Variants in EDARADD observed in about 807,000 individuals in gnomAD.
EDARADD encodes the protein EDAR associated via death domain.
Under a neutral mutation model 25.6 loss-of-function variants are expected in EDARADD, and 20 were observed. The ratio of observed to expected loss-of-function variants is 0.78; its 90% CI spans 0.55 to 1.14. The LOEUF (loss-of-function observed/expected upper bound fraction) is 1.14. EDARADD is among the 50% of genes most tolerant of loss of function. The probability of loss-of-function intolerance (pLI) is 0.00; values close to 1 mark genes in which losing one functional copy is unlikely to be tolerated. For synonymous variants in EDARADD, 86 were observed against 94.4 expected (o/e 0.91, Z 0.52); for missense variants, 225 against 270.1 (o/e 0.83, Z 1.17).
chr1:236,470,935 G>T (rs1226991349), intron 5 of EDARADD, among the ~76,000 whole-genome samples: 1 of 152,098 alleles, frequency 6.6e-6, no homozygotes, highest in Non-Finnish European at 1.5e-5. Flanking sequence ...TAAGGACGGG[G>T]GTTCCCCATG....
chr1:236,363,295 G>T (rs1667076981), intron 3 of EDARADD, among the ~76,000 whole-genome samples: 1 of 151,882 alleles, frequency 6.6e-6, no homozygotes, highest in African/African-American at 2.4e-5. Flanking sequence ...ATGTCAAGTA[G>T]TAATCCCAAT....
At chr1:236,393,877 T>C (rs1667465963), upstream of EDARADD, among the ~76,000 whole-genome samples, 1 of 152,024 alleles carries the variant, frequency 6.6e-6, no homozygotes, top group Admixed American at 6.6e-5. Flanking sequence ...TCATACTTTA[T>C]AGTTCGCAAA....
intron 1 of EDARADD, among the ~76,000 whole-genome samples, chr1:236,402,714 G>C (rs1485123773): frequency 6.6e-6 from 1 of 151,876 alleles, no homozygotes; most frequent in Admixed American, 6.6e-5. Flanking sequence ...ACCTGGCCAT[G>C]AGGCACTTCT....
chr1:236,415,593 C>G (rs1657614817), intron 3 of EDARADD, among the ~76,000 whole-genome samples: 1 of 152,130 alleles, frequency 6.6e-6, no homozygotes, highest in Non-Finnish European at 1.5e-5. Flanking sequence ...TTACAGGTGC[C>G]TGCCACCACA....
intron 4 of EDARADD, among the ~76,000 whole-genome samples, chr1:236,447,170 CTCTTTCTTTCTTTCTTTCTTTCTTTCTT>C (rs1240943288): frequency 3.2e-5 from 3 of 93,624 alleles, no homozygotes; most frequent in Admixed American, 2.1e-4. Context: ...CCCTCCCTCC[CTCTTTCTTTCTTTCTTTCTTTCTTTCTT>C]TCTTTCTTTC....
At chr1:236,466,918 T>C (rs1659208416) in intron 4 of EDARADD, among the ~76,000 whole-genome samples, 1 of 151,926 alleles carries the variant, frequency 6.6e-6, no homozygotes. Context: ...AATACAAAAA[T>C]TAGCCAGGCG....
intron 5 of EDARADD, among the ~76,000 whole-genome samples, chr1:236,477,707 A>G (rs1347608993): frequency 1.3e-5 from 2 of 152,166 alleles, no homozygotes; most frequent in African/African-American, 4.8e-5. Context: ...AGGAAACACT[A>G]GAAAAGGTAT....
intron 3 of EDARADD, among the ~76,000 whole-genome samples, chr1:236,378,955 T>C (rs12120948): frequency 0.095 from 14,422 of 151,970 alleles, 1,028 homozygotes; most frequent in East Asian, 0.3. Flanking sequence ...TCACTAGATG[T>C]GGAGAGGGGA....
At chr1:236,472,320 C>T (rs1571956603) in intron 5 of EDARADD, among the ~76,000 whole-genome samples, 1 of 152,112 alleles carries the variant, frequency 6.6e-6, no homozygotes, top group East Asian at 1.9e-4. Context: ...TCAAGGCAGG[C>T]GGAGGTTTTC....
At chr1:236,463,885 C>G (rs942937605) in intron 4 of EDARADD, among the ~76,000 whole-genome samples, 1 of 152,190 alleles carries the variant, frequency 6.6e-6, no homozygotes, top group African/African-American at 2.4e-5. Flanking sequence ...CCATCCCTTG[C>G]TCCTTGAATA....
intron 3 of EDARADD, among the ~76,000 whole-genome samples, chr1:236,385,136 C>T (rs1236615412): frequency 5.0e-5 from 7 of 140,612 alleles, no homozygotes; most frequent in South Asian, 2.2e-4. Flanking sequence ...TGGCCGGGCG[C>T]GGTAGCTCAC....
At chr1:236,402,014 T>G (rs1667622349) in intron 1 of EDARADD, among the ~76,000 whole-genome samples, 1 of 152,150 alleles carries the variant, frequency 6.6e-6, no homozygotes, top group Non-Finnish European at 1.5e-5. Flanking sequence ...CAGGCTGGAG[T>G]GCAGTGGTGC....
intron 3 of EDARADD, among the ~76,000 whole-genome samples, chr1:236,364,661 A>C (rs1259200299): frequency 6.6e-6 from 1 of 152,080 alleles, no homozygotes; most frequent in African/African-American, 2.4e-5. Flanking sequence ...ATTCTATTGT[A>C]AATTGCAGTT....
Position 236,484,570 on chromosome 1 carries a change from G to T in EDARADD, c.*1921G>T. On this transcript the variant is annotated 3_prime_UTR_variant, in exon 6 of 6. Coordinates refer to ENST00000334232, the MANE Select transcript of EDARADD (RefSeq NM_145861.4). The surrounding 1 kb of genome is among the most constrained non-coding windows in gnomAD (Gnocchi z 4.1). ...AGACCCCCGAGCAACATTTGTAGGG[G>T]CCGCTGCTAGTTAGCTACCCTTGCC... The T allele has an allele frequency of 1.1e-6, 1 of 895,638 alleles. No individual in the cohort carries two copies. Among genetic ancestry groups the T allele is most frequent in the Non-Finnish European group, 1.8e-6 (1 of 571,336 alleles). 55.5% of individuals were successfully genotyped at this position (895,638 alleles called of 1,614,324 possible). A position where few individuals can be genotyped will look rare whatever the true frequency, so the allele number is the denominator to read the frequency against.
intron 4 of EDARADD, among the ~76,000 whole-genome samples, chr1:236,456,760 C>T (rs1036022312): frequency 2.2e-5 from 3 of 137,462 alleles, no homozygotes; most frequent in Non-Finnish European, 4.6e-5. Context: ...TTCGCTGTCA[C>T]GCTCCCAACT....
chr1:236,355,362 G>A (rs901513766), intron 3 of EDARADD, among the ~76,000 whole-genome samples: 6 of 152,004 alleles, frequency 3.9e-5, no homozygotes, highest in African/African-American at 7.2e-5. Flanking sequence ...TTCAAACCAT[G>A]ACTAGCTTCA....
intron 5 of EDARADD, among the ~76,000 whole-genome samples, chr1:236,477,398 C>G (rs1358176722): frequency 1.3e-5 from 2 of 152,060 alleles, no homozygotes; most frequent in South Asian, 2.1e-4. Flanking sequence ...GCCTGTAGTC[C>G]CAGCTACTCG....
At position 236,363,034 on chromosome 1, in the gene EDARADD, A is replaced by AT. The variant is rs1553262251; in HGVS notation, c.-6+12195_-6+12196insT. ...ATATATATATATATATATATATATA[A>AT]AATTTGTGTACAGACAGAGTCTTGC... On this transcript the variant is annotated intron_variant, in intron 3 of 7. Coordinates refer to the EDARADD transcript ENST00000439430. Among the ~76,000 whole-genome samples the AT allele has an allele frequency of 8.9e-4, 75 of 84,326 alleles. 1 individual carries two copies. Among genetic ancestry groups the AT allele is most frequent in the South Asian group, 4.4e-3 (11 of 2,512 alleles). 55.3% of individuals were successfully genotyped at this position (84,326 alleles called of 152,430 possible). A position where few individuals can be genotyped will look rare whatever the true frequency, so the allele number is the denominator to read the frequency against.
intron 3 of EDARADD, among the ~76,000 whole-genome samples, chr1:236,426,040 T>C (rs1657911372): frequency 6.6e-6 from 1 of 152,044 alleles, no homozygotes; most frequent in Non-Finnish European, 1.5e-5. Context: ...TGCAGTGGCA[T>C]GATCGATCAG....
Sources: allele counts gnomAD v4.1 joint callset (sites outside exome capture counted in the v4.1 genomes callset), GRCh38; gene constraint gnomAD v4.1.1; non-coding constraint Gnocchi (gnomAD v3.1); transcripts MANE v1.5; gene names NCBI Gene and HGNC (gene_info 2026-07-23, HGNC 2026-07-21).